CACNA1S: variants seen among roughly 807,000 people sequenced by gnomAD.
CACNA1S encodes calcium voltage-gated channel subunit alpha1 S.
In CACNA1S, 126 loss-of-function variants were observed where a neutral mutation model predicts 207.4. The observed-to-expected ratio is 0.61, with a 90% CI of 0.53 to 0.70. CACNA1S has a LOEUF of 0.70. Ranked by LOEUF, CACNA1S falls within the 30% of genes least tolerant of loss-of-function variation. The pLI is 0.00. For synonymous variants in CACNA1S, 960 were observed against 932.7 expected (o/e 1.03, Z -0.53); for missense variants, 2,349 against 2,422.8 (o/e 0.97, Z 0.64).
At chr1:201,083,823 T>A (rs1661930513) in intron 9 of CACNA1S, among the ~76,000 whole-genome samples, 1 of 152,194 alleles carries the variant, frequency 6.6e-6, no homozygotes, top group South Asian at 2.1e-4. Context: ...CTTGCTAGGT[T>A]GCCCAGACTG....
intron 38 of CACNA1S, among the ~76,000 whole-genome samples, chr1:201,046,059 A>G (rs2102551518): frequency 6.6e-6 from 1 of 152,332 alleles, no homozygotes; most frequent in East Asian, 1.9e-4. Flanking sequence ...GGTTTTATAA[A>G]TTATGTGCAT....
chr1:201,078,948 C>T (rs914414733), intron 10 of CACNA1S, among the ~76,000 whole-genome samples: 4 of 151,802 alleles, frequency 2.6e-5, no homozygotes, highest in Non-Finnish European at 4.4e-5. Context: ...TGGTAAAACC[C>T]CCTCTCTACT....
intron 26 of CACNA1S, 29 bp from the exon 27 acceptor site, chr1:201,059,328 C>A (rs772040244): frequency 6.6e-7 from 1 of 1,507,836 alleles, no homozygotes; most frequent in East Asian, 2.3e-5. Context: ...AGCAGTGGGT[C>A]AGGGGGGCCG....
At chr1:201,080,398 A>C (rs1167864865) in intron 10 of CACNA1S, among the ~76,000 whole-genome samples, 4 of 152,116 alleles carry the variant, frequency 2.6e-5, no homozygotes, top group Non-Finnish European at 4.4e-5. Flanking sequence ...CTTGGTGGGC[A>C]CTGTTCACAT....
Position 201,091,807 on chromosome 1 carries a change from A to G in CACNA1S, c.542-15T>C. The G allele has an allele frequency of 6.2e-7, 1 of 1,611,442 alleles. No homozygotes were observed. The highest frequency in any genetic ancestry group is 8.5e-7 in the Non-Finnish European group (1 of 1,178,558). ...CACCTGCAGGCCTGCAGAGGCAGGCAGGGAAGGGAAAAGAGGAGTCGCCTC... is the reference window on the plus strand; with the variant it reads ...CACCTGCAGGCCTGCAGAGGCAGGCGGGGAAGGGAAAAGAGGAGTCGCCTC... On this transcript the variant is annotated splice_polypyrimidine_tract_variant and intron_variant, in intron 4 of 43. Coordinates refer to ENST00000362061, the MANE Select transcript of CACNA1S (RefSeq NM_000069.3).
At chr1:201,058,776 AG>A (rs1423961551) in intron 27 of CACNA1S, among the ~76,000 whole-genome samples, 1 of 152,166 alleles carries the variant, frequency 6.6e-6, no homozygotes, top group East Asian at 1.9e-4. Context: ...GTCCAGATAG[AG>A]ATCTCTTTCA....
In CACNA1S at chr1:201,100,381, G is replaced by A. The variant is rs189761734; in HGVS notation, c.259-6360C>T. On this transcript the variant is annotated intron_variant, in intron 2 of 43. Transcript: ENST00000362061. Reference sequence around the variant, plus strand: ...GGCCTCTATGGCCACGCCGCACACTGGGTGTCCAGGGCCCTGGCATCTCCA... The same window carrying A: ...GGCCTCTATGGCCACGCCGCACACTAGGTGTCCAGGGCCCTGGCATCTCCA... Among the ~76,000 whole-genome samples, 4 of 152,340 alleles carry A rather than the reference G, an allele frequency of 2.6e-5. No individual in the cohort carries two copies. In the East Asian group the frequency reaches 5.8e-4, roughly 22 times the overall value.
intron 40 of CACNA1S, chr1:201,041,874 G>A: frequency 2.0e-6 from 1 of 495,370 alleles, no homozygotes; most frequent in Non-Finnish European, 3.7e-6. Flanking sequence ...CAGCCTCCCA[G>A]CCTTTGGAAC....
intron 2 of CACNA1S, among the ~76,000 whole-genome samples, chr1:201,101,319 A>G (rs772755280): frequency 3.2e-4 from 49 of 152,046 alleles, no homozygotes; most frequent in Non-Finnish European, 7.4e-5. Context: ...AACCCAGATA[A>G]CTCTACTCAG....
chr1:201,097,736 GT>G (rs1662490564), intron 2 of CACNA1S, among the ~76,000 whole-genome samples: 1 of 152,164 alleles, frequency 6.6e-6, no homozygotes, highest in South Asian at 2.1e-4. Context: ...GGGGGCCAGG[GT>G]CACTCTCCAA....
chr1:201,047,609 T>C lies in CACNA1S; in HGVS notation c.4459A>G (p.Asn1487Asp), dbSNP rs867371632. ...TTGATGATGGCCCTCAGCTCCTCGT[T>C]GGCCTGCTCAAAGTTACCTGGAGCA... ...IKTEGNFEQANEELRAIIKKI... is the reference protein window; with the variant it reads ...IKTEGNFEQADEELRAIIKKI... The change falls in exon 37 of 44, where the codon AAC becomes GAC. Residue 1487 changes from asparagine (N) to aspartate (D), a missense_variant. Transcript: ENST00000362061. 6.2e-7 allele frequency: 1 copy of C among 1,614,144 alleles called. No homozygotes were observed. The highest frequency in any genetic ancestry group is 8.5e-7 in the Non-Finnish European group (1 of 1,179,968).
At chr1:201,043,048 C>G in intron 40 of CACNA1S, 1 of 523,058 alleles carries the variant, frequency 1.9e-6, no homozygotes, top group Non-Finnish European at 3.5e-6. Flanking sequence ...AATAAAAGAA[C>G]CTCTCAACAC....
intron 2 of CACNA1S, among the ~76,000 whole-genome samples, chr1:201,104,911 C>T (rs1023255531): frequency 6.6e-6 from 1 of 152,234 alleles, no homozygotes; most frequent in African/African-American, 2.4e-5. Flanking sequence ...CCTCTCTGCG[C>T]TGTGGTTTAC....
At chr1:201,072,924 A>C in intron 15 of CACNA1S, 100 bp from the exon 16 acceptor site, 1 of 882,040 alleles carries the variant, frequency 1.1e-6, no homozygotes. Flanking sequence ...AGCTCACTTA[A>C]TCATCCCTAC....
chr1:201,048,807 C>A, intron 35 of CACNA1S, 123 bp from the exon 36 acceptor site: 4 of 893,750 alleles, frequency 4.5e-6, no homozygotes, highest in Non-Finnish European at 7.3e-6. Flanking sequence ...GTCAGCTGAC[C>A]AGGACATCCT....
chr1:201,101,616 C>A (rs1482722612), intron 2 of CACNA1S, among the ~76,000 whole-genome samples: 1 of 152,214 alleles, frequency 6.6e-6, no homozygotes, highest in East Asian at 1.9e-4. Context: ...AGACTCGCAC[C>A]TTTCAGGGCC....
intron 38 of CACNA1S, among the ~76,000 whole-genome samples, chr1:201,046,447 C>T (rs1558053795): frequency 2.0e-5 from 3 of 151,998 alleles, no homozygotes. Flanking sequence ...TCCCAAAGCG[C>T]TGGGATTACA....
At chr1:201,064,252 G>A (rs1472220458) in intron 22 of CACNA1S, among the ~76,000 whole-genome samples, 1 of 152,222 alleles carries the variant, frequency 6.6e-6, no homozygotes, top group African/African-American at 2.4e-5. Flanking sequence ...AAGCTTGGCA[G>A]AGGAGGGGGC....
At chr1:201,047,374 T>C in intron 37 of CACNA1S, 135 bp from the exon 38 acceptor site, 1 of 1,355,806 alleles carries the variant, frequency 7.4e-7, no homozygotes, top group Non-Finnish European at 1.0e-6. Flanking sequence ...CTGGGCACTT[T>C]CCATCCTGAG....
Sources: gnomAD v4.1 joint callset for allele counts (sites outside exome capture counted in the v4.1 genomes callset) on GRCh38, gnomAD v4.1.1 for gene constraint, MANE v1.5 for transcripts, NCBI Gene and HGNC (gene_info 2026-07-23, HGNC 2026-07-21) for gene names.